The following GPC6 variants were observed in gnomAD, a reference collection of about 807,000 sequenced individuals.
GPC6 encodes glypican-6.
GPC6 carries 14 observed loss-of-function variants against 55.2 expected under a neutral mutation model. The observed-to-expected ratio is 0.25, with a 90% CI of 0.17 to 0.40. The LOEUF is 0.40. Among genes scored for constraint, GPC6 ranks in the 10% least tolerant of loss-of-function variants. The pLI is 1.00. For missense variants in GPC6, 641 were observed against 708.5 expected, an observed-to-expected ratio of 0.90 and a Z score of 1.08; for synonymous variants, 278 against 259.6, an observed-to-expected ratio of 1.07 and a Z score of -0.68.
chr13:93,268,902 C>T (rs982230168), intron 1 of GPC6, among the ~76,000 whole-genome samples: 2 of 152,068 alleles, frequency 1.3e-5, no homozygotes, highest in African/African-American at 4.8e-5. Context: ...GTGCATTCTT[C>T]GAATTTAGCT....
At chr13:94,123,289 A>G (rs1886699459) in intron 4 of GPC6, among the ~76,000 whole-genome samples, 1 of 152,122 alleles carries the variant, frequency 6.6e-6, no homozygotes. Context: ...ATGTAGAGCC[A>G]TATTAAATGT....
intron 3 of GPC6, among the ~76,000 whole-genome samples, chr13:93,856,796 G>C (rs1214209784): frequency 6.6e-6 from 1 of 151,586 alleles, no homozygotes; most frequent in Non-Finnish European, 1.5e-5. Context: ...TGTGAGTCTT[G>C]ACTTTGATAA....
At chr13:94,081,452 T>C (rs1885092637) in intron 4 of GPC6, among the ~76,000 whole-genome samples, 1 of 152,216 alleles carries the variant, frequency 6.6e-6, no homozygotes, top group Admixed American at 6.5e-5. Flanking sequence ...ATGGCTTTGT[T>C]AACTTGTTAA....
intron 4 of GPC6, among the ~76,000 whole-genome samples, chr13:94,092,722 G>A (rs1180091151): frequency 6.6e-6 from 1 of 152,058 alleles, no homozygotes; most frequent in African/African-American, 2.4e-5. Flanking sequence ...TTCTACAGTG[G>A]CTATACTATT....
intron 6 of GPC6, among the ~76,000 whole-genome samples, chr13:94,379,215 T>C (rs762152733): frequency 6.6e-6 from 1 of 152,232 alleles, no homozygotes; most frequent in Non-Finnish European, 1.5e-5. Flanking sequence ...ACTGCCATCA[T>C]TCAGATATAA....
intron 1 of GPC6, among the ~76,000 whole-genome samples, chr13:93,246,413 AT>A (rs34089504): frequency 0.58 from 87,812 of 151,696 alleles, 26,226 homozygotes; most frequent in African/African-American, 0.7. Context: ...AACTAGAGGT[AT>A]TTTTTTTCTT....
At chr13:94,115,849 G>T (rs1022274694) in intron 4 of GPC6, among the ~76,000 whole-genome samples, 1 of 151,992 alleles carries the variant, frequency 6.6e-6, no homozygotes, top group African/African-American at 2.4e-5. Context: ...TAGTAAATAA[G>T]AATATTTTTT....
chr13:93,982,036 T>G (rs1458191648), intron 3 of GPC6, among the ~76,000 whole-genome samples: 19 of 152,196 alleles, frequency 1.2e-4, no homozygotes, highest in Admixed American at 1.2e-3. Flanking sequence ...ATTCCCAGAA[T>G]AAAATTCTGT....
chr13:93,499,520 A>C (rs1880445167), intron 1 of GPC6, among the ~76,000 whole-genome samples: 1 of 152,208 alleles, frequency 6.6e-6, no homozygotes, highest in Non-Finnish European at 1.5e-5. Context: ...GAGTTAGGGC[A>C]CTTGTCCTCT....
intron 2 of GPC6, among the ~76,000 whole-genome samples, chr13:93,789,534 T>C (rs1470767648): frequency 8.5e-6 from 1 of 117,368 alleles, no homozygotes; most frequent in Non-Finnish European, 1.8e-5. Context: ...TATATATATA[T>C]AGTCAGTTAA....
At position 94,204,411 on chromosome 13, in the gene GPC6, G is replaced by A. The variant is rs540034806; in HGVS notation, c.878-81938G>A. Among the ~76,000 whole-genome samples the A allele has an allele frequency of 9.9e-5, 15 of 152,196 alleles. No homozygotes were observed. In the South Asian group the frequency reaches 1.0e-3, roughly 11 times the overall value. ...TGACTGCTTTAGTATGCCAGCCAAC[G>A]CCTACAAAAGTGTGACAACAAAATA... is the stretch of plus-strand genomic sequence containing the variant. On this transcript the variant is annotated intron_variant, in intron 4 of 8. Coordinates refer to ENST00000377047, the MANE Select transcript of GPC6 (RefSeq NM_005708.5).
At chr13:94,233,087 G>T (rs1890781383) in intron 4 of GPC6, among the ~76,000 whole-genome samples, 1 of 134,490 alleles carries the variant, frequency 7.4e-6, no homozygotes, top group African/African-American at 2.8e-5. Flanking sequence ...TTTCAAAGTT[G>T]TGTGAGATAC....
chr13:93,861,480 A>G (rs535323047), intron 3 of GPC6, among the ~76,000 whole-genome samples: 44 of 151,728 alleles, frequency 2.9e-4, no homozygotes, highest in African/African-American at 1.0e-3. Flanking sequence ...GATTTTATCC[A>G]AATGAGAAGA....
chr13:93,727,620 C>A (rs1451691832), intron 2 of GPC6, among the ~76,000 whole-genome samples: 1 of 152,080 alleles, frequency 6.6e-6, no homozygotes, highest in Non-Finnish European at 1.5e-5. Flanking sequence ...AACATGAAAC[C>A]ACAAAACCAA....
chr13:93,321,479 T>G (rs1279963448), intron 1 of GPC6, among the ~76,000 whole-genome samples: 1 of 152,106 alleles, frequency 6.6e-6, no homozygotes, highest in African/African-American at 2.4e-5. Flanking sequence ...GATTTTAAGT[T>G]TAACTAAAAA....
At chr13:93,982,863 A>C (rs181285049) in intron 3 of GPC6, among the ~76,000 whole-genome samples, 1 of 152,124 alleles carries the variant, frequency 6.6e-6, no homozygotes, top group African/African-American at 2.4e-5. Flanking sequence ...TCCCATAGCT[A>C]TACTCAAAAG....
rs549651287 is a variant in GPC6 at position 93,382,016 on chromosome 13, A to T, written c.160+154400A>T. On this transcript the variant is annotated intron_variant, in intron 1 of 8. Transcript: ENST00000377047. ...CTATGTCCAATTTGAATTTACTTTA[A>T]TGAATATATATTTAATAAATATACA... Among the ~76,000 whole-genome samples, 11 of 152,310 alleles carry T rather than the reference A, an allele frequency of 7.2e-5. No homozygotes were observed. In the East Asian group the frequency reaches 2.1e-3, roughly 29 times the overall value.
chr13:93,429,215 G>C (rs540521715), intron 1 of GPC6, among the ~76,000 whole-genome samples: 14 of 152,146 alleles, frequency 9.2e-5, no homozygotes, highest in Admixed American at 4.6e-4. Flanking sequence ...TTAATAGGCT[G>C]CAATACTCAT....
At chr13:93,478,433 T>C (rs1198863600) in intron 1 of GPC6, among the ~76,000 whole-genome samples, 1 of 152,192 alleles carries the variant, frequency 6.6e-6, no homozygotes, top group African/African-American at 2.4e-5. Context: ...GTAAACTGTA[T>C]CTGTGTAAAT....
Sources: allele counts gnomAD v4.1 joint callset (sites outside exome capture counted in the v4.1 genomes callset), GRCh38; gene constraint gnomAD v4.1.1; transcripts MANE v1.5; gene names NCBI Gene and HGNC (gene_info 2026-07-23, HGNC 2026-07-21).